The following CBARP variants were observed in gnomAD, a reference collection of about 807,000 sequenced individuals.
CBARP encodes voltage-dependent calcium channel beta subunit-associated regulatory protein.
CBARP carries 24 observed loss-of-function variants against 36.3 expected under a neutral mutation model. That is an observed-to-expected ratio of 0.66 (90% CI 0.48 to 0.93). The LOEUF is 0.93. Among genes scored for constraint, CBARP ranks in the 40% least tolerant of loss-of-function variants. The probability of loss-of-function intolerance (pLI) is 0.00; values close to 1 mark genes in which losing one functional copy is unlikely to be tolerated. For missense variants in CBARP, 1,146 were observed against 980.4 expected (o/e 1.17, Z -2.26); for synonymous variants, 586 against 453.2 (o/e 1.29, Z -3.72).
In CBARP at chr19:1,229,488, T is replaced by TGCCGGGGTTCCGGCCAGG. The variant is rs2080861624; in HGVS notation, c.1791_1808dup (p.Leu598_Ala603dup). The TGCCGGGGTTCCGGCCAGG allele has an allele frequency of 1.0e-6, 1 of 978,396 alleles. No individual in the cohort carries two copies. The highest frequency in any genetic ancestry group is 1.2e-4 in the East Asian group (1 of 8,550). The allele number at this position is 978,396 out of a possible 1,614,324, so 60.6% of individuals were successfully genotyped here. On this transcript the variant is annotated inframe_insertion, in exon 10 of 10. Transcript: ENST00000650044. This position sits in a 1 kb window ranked among gnomAD's most constrained non-coding sequence, Gnocchi z 5.1. ...CGGGTCGGGCCGCGCCGGCAGGCGG[T>TGCCGGGGTTCCGGCCAGG]GCCGGGGTTCCGGCCAGGGCCGGGG... is the stretch of plus-strand genomic sequence containing the variant.
intron 1 of CBARP, among the ~76,000 whole-genome samples, chr19:1,237,458 C>T (rs993540480): frequency 2.6e-5 from 4 of 152,066 alleles, no homozygotes; most frequent in Non-Finnish European, 4.4e-5. Flanking sequence ...CAGCACCGCG[C>T]CCCCGAGCCG....
intron 7 of CBARP, 23 bp downstream of exon 7, chr19:1,234,167 TG>T: frequency 1.3e-6 from 2 of 1,491,332 alleles, no homozygotes; most frequent in South Asian, 1.4e-5. Flanking sequence ...GTGGACACCA[TG>T]GGGGACACGC....
In CBARP at chr19:1,234,678, G is replaced by A. The variant is rs1158477441; in HGVS notation, c.520C>T (p.Pro174Ser). 6.2e-7 allele frequency: 1 copy of A among 1,612,774 alleles called. No homozygotes were observed. The highest frequency in any genetic ancestry group is 1.7e-5 in the Admixed American group (1 of 59,928). The change falls in exon 6 of 10, where the codon CCG becomes TCG. Residue 174 changes from proline (P) to serine (S), a missense_variant. By Grantham distance (74) the Pro-to-Ser change is moderately conservative (BLOSUM62 -1). Coordinates refer to ENST00000650044, the MANE Select transcript of CBARP (RefSeq NM_001393918.1). ...KNARLTHLHLPPLKIVTIHEC... is the reference protein window; with the variant it reads ...KNARLTHLHLSPLKIVTIHEC... ...TGGATGGTGACAATCTTGAGGGGCG[G>A]CAGGTGCAGGTGCGTGAGCCGGGCA...
chr19:1,236,960 G>T (rs998403553), intron 1 of CBARP, among the ~76,000 whole-genome samples: 9 of 152,018 alleles, frequency 5.9e-5, no homozygotes, highest in Non-Finnish European at 1.0e-4. Flanking sequence ...GCCGCCTTAC[G>T]CTCGGGGGAA....
intron 8 of CBARP, among the ~76,000 whole-genome samples, chr19:1,232,417 C>T (rs1393285643): frequency 6.6e-6 from 1 of 152,166 alleles, no homozygotes; most frequent in Non-Finnish European, 1.5e-5. Flanking sequence ...CTTCTCTCTG[C>T]ACTTGTCCCC....
At chr19:1,237,487 G>A (rs1467967366) in intron 1 of CBARP, among the ~76,000 whole-genome samples, 13 of 152,014 alleles carry the variant, frequency 8.6e-5, no homozygotes, top group Admixed American at 8.5e-4. Flanking sequence ...TGGGGATGGC[G>A]AGCCAGGGGA....
intron 3 of CBARP, 72 bp downstream of exon 3, chr19:1,235,707 G>A (rs1004199608): frequency 1.2e-6 from 2 of 1,602,958 alleles, no homozygotes; most frequent in African/African-American, 1.3e-5. Context: ...AAGCCAGTGA[G>A]GTAGACCCCC....
At position 1,236,049 on chromosome 19, in the gene CBARP, T is replaced by G; in HGVS notation, c.52A>C (p.Thr18Pro). The change falls in exon 2 of 10, where the codon ACT becomes CCT. Residue 18 changes from threonine (T) to proline (P), a missense_variant. Physicochemically the swap from Thr to Pro is conservative, Grantham distance 38. Transcript: ENST00000650044. Reference protein sequence around the residue: ...ATAATTTTTTTATVALTTSWD... With the variant: ...ATAATTTTTTPATVALTTSWD... ...GACGTCGTCAGGGCTACTGTGGCAG[T>G]GGTGGTGGTGGTGGTGGTGGCGGCT... 2.9e-6 allele frequency: 4 copies of G among 1,385,196 alleles called. No individual in the cohort carries two copies. In the South Asian group the frequency reaches 6.4e-5, roughly 22 times the overall value. The allele number at this position is 1,385,196 out of a possible 1,614,324, so 85.8% of individuals were successfully genotyped here. A position where few individuals can be genotyped will look rare whatever the true frequency, so the allele number is the denominator to read the frequency against.
At chr19:1,235,409 A>G (rs1241374110) in intron 4 of CBARP, 92 bp downstream of exon 4, 1 of 1,343,422 alleles carries the variant, frequency 7.4e-7, no homozygotes, top group Non-Finnish European at 1.0e-6. Flanking sequence ...GGAGACAGAC[A>G]GACACAGACG....
chr19:1,235,924 G>T lies in CBARP; in HGVS notation c.106-6C>A. 2 of 1,607,924 alleles carry T rather than the reference G, an allele frequency of 1.2e-6. No individual in the cohort carries two copies. Among genetic ancestry groups the T allele is most frequent in the East Asian group, 4.5e-5 (2 of 44,788 alleles). On this transcript the variant is annotated splice_region_variant and splice_polypyrimidine_tract_variant and intron_variant, in intron 2 of 9. Coordinates refer to ENST00000650044, the MANE Select transcript of CBARP (RefSeq NM_001393918.1). ...AGGATGGGGTCTGGCTCTGCCTGCG[G>T]GTGTGCAGGGGGGGTCAGGTGCTGC...
At chr19:1,230,583 G>C (rs901844722) in intron 9 of CBARP, 1 of 1,164,042 alleles carries the variant, frequency 8.6e-7, no homozygotes, top group Non-Finnish European at 1.1e-6. Flanking sequence ...CAGACGTGAG[G>C]GTCACCCGCC....
chr19:1,231,381 C>T (rs1466777106), intron 8 of CBARP, 106 bp from the exon 9 acceptor site: 31 of 1,348,540 alleles, frequency 2.3e-5, no homozygotes, highest in East Asian at 2.2e-4. Flanking sequence ...AATGCCTGTG[C>T]CCCCCCGCCA....
rs765209008 is a variant in CBARP at position 1,229,601 on chromosome 19, C to T, written c.1696G>A (p.Ala566Thr). 1.2e-5 allele frequency: 14 copies of T among 1,195,382 alleles called. No individual in the cohort carries two copies. The South Asian group carries it at 1.3e-4, about 11-fold the overall frequency. The allele number at this position is 1,195,382 out of a possible 1,614,324, so 74.0% of individuals were successfully genotyped here. Residue 566 changes from alanine (A) to threonine (T), a missense_variant, in exon 10 of 10, where the codon GCC (alanine) becomes ACC (threonine). Ala to Thr is a moderately conservative substitution (Grantham distance 58). Transcript: ENST00000650044. The surrounding 1 kb of genome is among the most constrained non-coding windows in gnomAD (Gnocchi z 5.1). ...HDPHFDDTPA[A>T]ARHRARAHPH... ...TGCGCGCGGGCGCGGTGTCGCGCGG[C>T]AGCCGGCGTGTCGTCGAAGTGCGGG... is the stretch of plus-strand genomic sequence containing the variant.
At chr19:1,231,608 CCACAGAATGCCTGTACCCTCCTACA>C (rs2080895691) in intron 8 of CBARP, among the ~76,000 whole-genome samples, 1 of 122,512 alleles carries the variant, frequency 8.2e-6, no homozygotes. Flanking sequence ...TGTGCCCCCC[CCACAGAATGCCTGTACCCTCCTACA>C]CACAGAACAC....
At chr19:1,234,410 G>A in intron 6 of CBARP, 79 bp from the exon 7 acceptor site, 1 of 1,433,078 alleles carries the variant, frequency 7.0e-7, no homozygotes. Flanking sequence ...GGGCAGGTGA[G>A]GAGCATGCTG....
At chr19:1,230,691 G>T in intron 9 of CBARP, 1 of 1,279,874 alleles carries the variant, frequency 7.8e-7, no homozygotes, top group South Asian at 2.8e-5. Context: ...GTTGCCCTTG[G>T]GTTGGGGGAG....
At position 1,233,521 on chromosome 19, in the gene CBARP, C is replaced by T. The variant is rs769779150; in HGVS notation, c.884G>A (p.Arg295His). ...GTVLQFLTRL[R>H]RHASLDGASP... The stretch of plus-strand genomic sequence containing the variant: ...GGCCCCATCCAGGCTGGCATGGCGG[C>T]GCAGGCGGGTGAGGAACTGCAGAAC... The change falls in exon 8 of 10, where the codon CGC (arginine) becomes CAC (histidine). Residue 295 changes from arginine (R) to histidine (H), a missense_variant. Transcript: ENST00000650044. 53 of 1,597,982 alleles carry T rather than the reference C, an allele frequency of 3.3e-5. No individual in the cohort carries two copies. Among genetic ancestry groups the T allele is most frequent in the African/African-American group, 6.7e-5 (5 of 74,848 alleles).
At chr19:1,230,712 G>A in intron 9 of CBARP, 4 of 1,284,132 alleles carry the variant, frequency 3.1e-6, no homozygotes, top group Non-Finnish European at 2.9e-6. Flanking sequence ...GGGTGCTGCT[G>A]GCCGGAGTGG....
Position 1,236,055 on chromosome 19 carries a change from T to C in CBARP, c.46A>G (p.Thr16Ala). 6.6e-7 allele frequency: 1 copy of C among 1,514,950 alleles called. No individual in the cohort carries two copies. Among genetic ancestry groups the C allele is most frequent in the Non-Finnish European group, 8.8e-7 (1 of 1,133,960 alleles). 93.8% of individuals were successfully genotyped at this position (1,514,950 alleles called of 1,614,324 possible). A position where few individuals can be genotyped will look rare whatever the true frequency, so the allele number is the denominator to read the frequency against. ...GTCAGGGCTACTGTGGCAGTGGTGG[T>C]GGTGGTGGTGGTGGCGGCTGTGGCC... ...TMATAATTTTTTTATVALTTS... is the reference protein window; with the variant it reads ...TMATAATTTTATTATVALTTS... Residue 16 changes from threonine to alanine, a missense_variant, in exon 2 of 10, where the codon ACC becomes GCC. By Grantham distance (58) the Thr-to-Ala change is moderately conservative. Coordinates refer to ENST00000650044, the MANE Select transcript of CBARP (RefSeq NM_001393918.1).
Sources: allele counts gnomAD v4.1 joint callset (sites outside exome capture counted in the v4.1 genomes callset), GRCh38; gene constraint gnomAD v4.1.1; non-coding constraint Gnocchi (gnomAD v3.1); transcripts MANE v1.5; gene names NCBI Gene and HGNC (gene_info 2026-07-23, HGNC 2026-07-21).